The following GALNT14 variants were observed in gnomAD, a reference collection of about 807,000 sequenced individuals.
The protein encoded by GALNT14 is polypeptide N-acetylgalactosaminyltransferase 14.
GALNT14 carries 60 observed loss-of-function variants against 77.5 expected under a neutral mutation model. The observed-to-expected ratio is 0.77, with a 90% CI of 0.63 to 0.96. GALNT14 has a LOEUF of 0.96. GALNT14 is among the 40% of genes least tolerant of loss of function. GALNT14 has a pLI of 0.00. For synonymous variants in GALNT14, 280 were observed against 281.7 expected (o/e 0.99, Z 0.06); for missense variants, 710 against 731.0 (o/e 0.97, Z 0.33).
At chr2:31,106,996 G>A (rs1334590537) in intron 1 of GALNT14, among the ~76,000 whole-genome samples, 2 of 152,160 alleles carry the variant, frequency 1.3e-5, no homozygotes, top group Non-Finnish European at 2.9e-5. Context: ...AAAAGATTCT[G>A]TACCTTGATC....
intron 14 of GALNT14, 82 bp downstream of exon 14, chr2:30,912,141 T>G (rs1195023481): frequency 1.2e-5 from 19 of 1,531,676 alleles, no homozygotes; most frequent in Non-Finnish European, 1.7e-5. Context: ...ATTTCTCTCT[T>G]TTCCTGCTCA....
At chr2:30,937,894 T>A (rs1666149709) in intron 9 of GALNT14, among the ~76,000 whole-genome samples, 2 of 152,268 alleles carry the variant, frequency 1.3e-5, no homozygotes, top group South Asian at 2.1e-4. Flanking sequence ...ACAGGCTCAG[T>A]GAGGTGAAGT....
At chr2:31,065,993 C>T (rs977842630) in intron 1 of GALNT14, among the ~76,000 whole-genome samples, 1 of 152,226 alleles carries the variant, frequency 6.6e-6, no homozygotes, top group Non-Finnish European at 1.5e-5. Flanking sequence ...GCCCCACCCT[C>T]TTCCTACCTG....
intron 2 of GALNT14, among the ~76,000 whole-genome samples, chr2:30,969,256 T>A (rs1458742132): frequency 1.3e-5 from 2 of 152,212 alleles, no homozygotes; most frequent in African/African-American, 4.8e-5. Context: ...GGCCTGAAGC[T>A]GCTCCTGGCT....
chr2:31,075,370 T>A (rs1675701729), intron 1 of GALNT14, among the ~76,000 whole-genome samples: 1 of 152,336 alleles, frequency 6.6e-6, no homozygotes, highest in South Asian at 2.1e-4. Flanking sequence ...CTAGCACACA[T>A]CTTTCATATG....
intron 1 of GALNT14, among the ~76,000 whole-genome samples, chr2:31,069,496 GA>G (rs770751332): frequency 6.6e-6 from 1 of 152,200 alleles, no homozygotes; most frequent in Non-Finnish European, 1.5e-5. Context: ...TACAAATGAA[GA>G]AATGGAGTCT....
chr2:31,105,653 A>G (rs1677518364), intron 1 of GALNT14, among the ~76,000 whole-genome samples: 3 of 152,020 alleles, frequency 2.0e-5, no homozygotes, highest in Non-Finnish European at 1.5e-5. Context: ...TTGAACCTGG[A>G]GGCAGAGGTT....
intron 2 of GALNT14, among the ~76,000 whole-genome samples, chr2:30,991,879 G>C (rs899253327): frequency 6.6e-6 from 1 of 152,178 alleles, no homozygotes; most frequent in African/African-American, 2.4e-5. Context: ...GAAAATGCCT[G>C]CTCTACTGCT....
intron 1 of GALNT14, among the ~76,000 whole-genome samples, chr2:31,106,879 G>C (rs1441294169): frequency 1.3e-5 from 2 of 152,134 alleles, no homozygotes; most frequent in Non-Finnish European, 2.9e-5. Context: ...AGGAAGTTCT[G>C]AGGATGGAAG....
chr2:30,931,961 C>A, intron 10 of GALNT14, 107 bp downstream of exon 10: 1 of 1,176,774 alleles, frequency 8.5e-7, no homozygotes, highest in African/African-American at 1.6e-5. Flanking sequence ...TCAAATCACA[C>A]AGGCAGCCTA....
chr2:31,075,179 C>A (rs1075689), intron 1 of GALNT14, among the ~76,000 whole-genome samples: 1 of 151,968 alleles, frequency 6.6e-6, no homozygotes, highest in African/African-American at 2.4e-5. Context: ...GAACAGAGCA[C>A]GTGAGATGCC....
Position 31,108,234 on chromosome 2 carries a change from C to A in GALNT14, c.129+29724G>T, listed in dbSNP as rs545634611. Among the ~76,000 whole-genome samples the A allele has an allele frequency of 2.8e-4, 42 of 152,268 alleles. 1 individual carries two copies. The South Asian group carries it at 8.1e-3, about 29-fold the overall frequency. ...CTACAGATGGACAACATCAAATCAC[C>A]AGGGCCCCAGGACTCCACCATCACT... On this transcript the variant is annotated intron_variant, in intron 1 of 14. Coordinates refer to ENST00000349752, the MANE Select transcript of GALNT14 (RefSeq NM_024572.4).
chr2:30,948,805 C>A (rs1666855042), intron 6 of GALNT14, among the ~76,000 whole-genome samples: 2 of 152,106 alleles, frequency 1.3e-5, no homozygotes, highest in African/African-American at 4.8e-5. Context: ...TCTTGGGGAC[C>A]CCCAGACTGC....
At chr2:30,989,372 G>A (rs1669514628) in intron 2 of GALNT14, among the ~76,000 whole-genome samples, 1 of 151,484 alleles carries the variant, frequency 6.6e-6, no homozygotes, top group Non-Finnish European at 1.5e-5. Context: ...GCTCTTTCCT[G>A]GTACTTGGGG....
intron 1 of GALNT14, among the ~76,000 whole-genome samples, chr2:31,086,412 C>A (rs937240036): frequency 2.0e-5 from 3 of 152,168 alleles, no homozygotes; most frequent in Non-Finnish European, 4.4e-5. Flanking sequence ...GGCCCCTAAC[C>A]TTTTCCTTTC....
intron 6 of GALNT14, among the ~76,000 whole-genome samples, chr2:30,950,836 C>T (rs1322258921): frequency 2.6e-5 from 4 of 152,180 alleles, no homozygotes; most frequent in African/African-American, 9.7e-5. Context: ...GAAGGCTTTG[C>T]CCGACCAGCA....
At chr2:31,005,536 T>G (rs1048289306) in intron 1 of GALNT14, among the ~76,000 whole-genome samples, 6 of 152,186 alleles carry the variant, frequency 3.9e-5, no homozygotes, top group African/African-American at 1.4e-4. Context: ...ACACAACATA[T>G]TATCATTACA....
intron 1 of GALNT14, among the ~76,000 whole-genome samples, chr2:31,081,008 A>G (rs1478689702): frequency 1.3e-5 from 2 of 152,230 alleles, no homozygotes; most frequent in East Asian, 3.8e-4. Flanking sequence ...TTTGGCCTCA[A>G]GATGTAAGGG....
At chr2:30,995,934 G>A (rs1388295375) in intron 1 of GALNT14, among the ~76,000 whole-genome samples, 1 of 152,218 alleles carries the variant, frequency 6.6e-6, no homozygotes, top group Non-Finnish European at 1.5e-5. Context: ...TCCAGCAAGA[G>A]CTGATGTTTC....
Sources: gnomAD v4.1 joint callset for allele counts (sites outside exome capture counted in the v4.1 genomes callset) on GRCh38, gnomAD v4.1.1 for gene constraint, MANE v1.5 for transcripts, NCBI Gene and HGNC (gene_info 2026-07-23, HGNC 2026-07-21) for gene names.